NSD1: variants seen among roughly 807,000 people sequenced by gnomAD.
The protein encoded by NSD1 is nuclear receptor binding SET domain protein 1.
Under a neutral mutation model 242.7 loss-of-function variants are expected in NSD1, and 26 were observed. The observed-to-expected ratio is 0.11, with a 90% confidence interval of 0.08 to 0.15. The LOEUF is 0.15. Among genes scored for constraint, NSD1 ranks in the 10% least tolerant of loss-of-function variants. The pLI, the probability that NSD1 is intolerant of heterozygous loss-of-function variation, is 1.00. For synonymous variants in NSD1, 1,106 were observed against 1,178.1 expected, an observed-to-expected ratio of 0.94 and a Z score of 1.25; for missense variants, 2,495 against 3,272.8, an observed-to-expected ratio of 0.76 and a Z score of 5.80.
rs201609442 is a variant in NSD1, at chr5:177,294,393, C to T, written c.7025C>T (p.Ser2342Leu). 4.2e-5 allele frequency: 67 copies of T among 1,614,124 alleles called. 1 individual carries two copies. Among genetic ancestry groups the T allele is most frequent in the South Asian group, 1.1e-4 (10 of 91,094 alleles). ...TCTCCAGTGACCAGCCCAAGCTCCTCACCCTCAGTCAGGTCCCAACCACTG... is the reference window on the plus strand; with the variant it reads ...TCTCCAGTGACCAGCCCAAGCTCCTTACCCTCAGTCAGGTCCCAACCACTG... ...KPSPVTSPSS[S>L]PSVRSQPLER... Residue 2342 changes from serine (S) to leucine (L), a missense_variant, in exon 23 of 23, where the codon TCA becomes TTA. Ser to Leu is a moderately radical substitution (Grantham distance 145, BLOSUM62 -2). Around this residue, in one of 19 missense-constraint regions of NSD1, gnomAD observed 475 missense variants for 563.7 expected, o/e 0.84. Coordinates refer to ENST00000439151, the MANE Select transcript of NSD1 (RefSeq NM_022455.5).
At chr5:177,215,180 A>AT (rs797009444) in intron 5 of NSD1, among the ~76,000 whole-genome samples, 13,090 of 140,742 alleles carry the variant, frequency 0.093, 1,820 homozygotes, top group African/African-American at 0.31. Flanking sequence ...CTGGTTTTCA[A>AT]TTTTTTTTTT....
intron 22 of NSD1, 50 bp downstream of exon 22, chr5:177,292,208 C>G (rs1207953173): frequency 6.3e-7 from 1 of 1,582,648 alleles, no homozygotes; most frequent in East Asian, 2.2e-5. Context: ...CCATCATACT[C>G]AGGGTCTCAT....
Position 177,257,973 on chromosome 5 carries a change from C to CTTTTTTTTTT in NSD1, c.4966+837_4966+846dup, listed in dbSNP as rs35034666. ...GCCACCACGCGTGGCCCCCCTGGGC[C>CTTTTTTTTTT]TTTTTTTTTTTTTTTTTTTTTTTTG... On this transcript the variant is annotated intron_variant, in intron 13 of 22. Transcript: ENST00000439151. 3.0e-4 allele frequency among the ~76,000 whole-genome samples: 16 copies of CTTTTTTTTTT among 52,566 alleles called. 1 individual carries two copies. The highest frequency in any genetic ancestry group is 4.8e-4 in the Non-Finnish European group (15 of 31,034). 34.5% of individuals were successfully genotyped at this position (52,566 alleles called of 152,430 possible). A position where few individuals can be genotyped will look rare whatever the true frequency, so the allele number is the denominator to read the frequency against.
chr5:177,294,523 A>C lies in NSD1; in HGVS notation c.7155A>C (p.Arg2385Ser), dbSNP rs978357581. 3 of 1,614,186 alleles carry C rather than the reference A, an allele frequency of 1.9e-6. No homozygotes were observed. The highest frequency in any genetic ancestry group is 2.5e-6 in the Non-Finnish European group (3 of 1,180,034). ...AAACCTCAGTTCCCACTGGCCTGAG[A>C]CTTCCGCCGCCAGACAGACTGCTCA... ...LEKTSVPTGL[R>S]LPPPDRLLIT... is the part of the protein sequence containing the mutation. The change falls in exon 23 of 23, where the codon AGA becomes AGC. Residue 2385 changes from arginine to serine, a missense_variant. Arg to Ser is a moderately radical substitution (Grantham distance 110, BLOSUM62 -1). Coordinates refer to ENST00000439151, the MANE Select transcript of NSD1 (RefSeq NM_022455.5).
intron 3 of NSD1, among the ~76,000 whole-genome samples, chr5:177,196,824 A>G (rs182229652): frequency 8.4e-4 from 128 of 152,328 alleles, no homozygotes; most frequent in Non-Finnish European, 4.4e-5. Context: ...TGGAAGAGGA[A>G]AAGTAGGAGA....
At chr5:177,226,984 G>A (rs1047272192) in intron 5 of NSD1, among the ~76,000 whole-genome samples, 1 of 152,122 alleles carries the variant, frequency 6.6e-6, no homozygotes, top group Non-Finnish European at 1.5e-5. Flanking sequence ...GGCAGGGTGT[G>A]GATAGGGATA....
At chr5:177,271,847 G>A (rs1286568999) in intron 16 of NSD1, among the ~76,000 whole-genome samples, 1 of 152,074 alleles carries the variant, frequency 6.6e-6, no homozygotes, top group Non-Finnish European at 1.5e-5. Flanking sequence ...AGTAGTTTGG[G>A]GCAGAAATGA....
In NSD1 at chr5:177,212,026, T is replaced by G; in HGVS notation, c.3627T>G (p.Pro1209=). The G allele has an allele frequency of 4.3e-6, 7 of 1,614,136 alleles. No individual in the cohort carries two copies. The highest frequency in any genetic ancestry group is 5.9e-6 in the Non-Finnish European group (7 of 1,180,026). ...ATGAGTTTCCAGAGCATAGAACTCC[T>G]TCAGCAAGCATACTTGAGGAACCAC... ...GRDEFPEHRT[P]SASILEEPLT... The change falls in exon 5 of 23, where the codon CCT becomes CCG. Residue 1209 remains proline (P), a synonymous_variant. Transcript: ENST00000439151.
At chr5:177,262,833 A>C (rs1024134073) in intron 14 of NSD1, among the ~76,000 whole-genome samples, 4 of 152,214 alleles carry the variant, frequency 2.6e-5, no homozygotes, top group Admixed American at 1.3e-4. Context: ...ATGGAAACCG[A>C]TAGCTTATCT....
chr5:177,178,056 G>A (rs560732051), intron 2 of NSD1, among the ~76,000 whole-genome samples: 1 of 151,942 alleles, frequency 6.6e-6, no homozygotes, highest in Non-Finnish European at 1.5e-5. Context: ...TGCCACGCCT[G>A]GCTAATTTTT....
chr5:177,264,705 A>G (rs2149925300), intron 14 of NSD1: 1 of 603,444 alleles, frequency 1.7e-6, no homozygotes, highest in Non-Finnish European at 3.0e-6. Flanking sequence ...AGCTTGTTGA[A>G]GAGAATTATT....
At chr5:177,185,790 TA>T (rs1761088884) in intron 2 of NSD1, among the ~76,000 whole-genome samples, 1 of 17,002 alleles carries the variant, frequency 5.9e-5, no homozygotes, top group African/African-American at 1.2e-3. Context: ...ATATGTATAT[TA>T]TATATATATA....
At chr5:177,150,631 A>G (rs1265485446) in intron 2 of NSD1, among the ~76,000 whole-genome samples, 2 of 151,696 alleles carry the variant, frequency 1.3e-5, no homozygotes, top group Non-Finnish European at 3.0e-5. Flanking sequence ...CAATTGCTGG[A>G]AAGATAAAAT....
At chr5:177,208,961 G>A (rs542077877) in intron 4 of NSD1, among the ~76,000 whole-genome samples, 1 of 152,118 alleles carries the variant, frequency 6.6e-6, no homozygotes, top group South Asian at 2.1e-4. Flanking sequence ...CTCTGAAAGT[G>A]CTGGGATTAC....
chr5:177,241,123 G>T (rs1041118216), intron 8 of NSD1, among the ~76,000 whole-genome samples: 7 of 151,942 alleles, frequency 4.6e-5, no homozygotes, highest in Non-Finnish European at 8.8e-5. Flanking sequence ...ATAGATCTTT[G>T]TTCCATCTTG....
intron 4 of NSD1, among the ~76,000 whole-genome samples, chr5:177,207,014 G>A (rs1358020222): frequency 6.6e-5 from 10 of 151,408 alleles, no homozygotes; most frequent in Admixed American, 1.3e-4. Context: ...TCGGCTCACC[G>A]CAACCTCTGC....
intron 13 of NSD1, among the ~76,000 whole-genome samples, chr5:177,258,210 C>A (rs936568250): frequency 4.3e-4 from 65 of 150,936 alleles, no homozygotes; most frequent in African/African-American, 1.4e-3. Context: ...GAACTCCCGA[C>A]CTCAGGTGAT....
intron 2 of NSD1, among the ~76,000 whole-genome samples, chr5:177,169,847 A>T (rs534716507): frequency 1.3e-5 from 2 of 152,226 alleles, no homozygotes; most frequent in Non-Finnish European, 2.9e-5. Flanking sequence ...AAAAACTGCA[A>T]TTACTTCTGT....
intron 2 of NSD1, among the ~76,000 whole-genome samples, chr5:177,150,671 CACATTAG>C (rs944716986): frequency 1.6e-3 from 240 of 152,246 alleles, no homozygotes; most frequent in African/African-American, 5.5e-3. Flanking sequence ...ATTATATTTT[CACATTAG>C]ATTAAATTAA....
Sources: allele counts gnomAD v4.1 joint callset (sites outside exome capture counted in the v4.1 genomes callset), GRCh38; gene constraint gnomAD v4.1.1; regional missense constraint gnomAD v4.1.1; transcripts MANE v1.5; gene names NCBI Gene and HGNC (gene_info 2026-07-23, HGNC 2026-07-21).